PCDHGA5: variants seen among roughly 807,000 people sequenced by gnomAD.
The protein encoded by PCDHGA5 is protocadherin gamma subfamily A, 5.
In PCDHGA5, 36 loss-of-function variants were observed where a neutral mutation model predicts 56.7. That is an observed-to-expected ratio of 0.64 (90% CI 0.49 to 0.84). The LOEUF is 0.84. PCDHGA5 is among the 40% of genes least tolerant of loss of function. The pLI, the probability that PCDHGA5 is intolerant of heterozygous loss-of-function variation, is 0.00. For synonymous variants in PCDHGA5, 563 were observed against 520.2 expected (o/e 1.08, Z -1.12); for missense variants, 1,305 against 1,201.5 (o/e 1.09, Z -1.27).
intron 1 of PCDHGA5, chr5:141,390,092 G>A (rs1469999630): frequency 1.9e-6 from 3 of 1,613,918 alleles, no homozygotes; most frequent in African/African-American, 2.7e-5. Context: ...CCGAATCCGT[G>A]GTTCCCCCCA....
chr5:141,414,537 T>C (rs2095757230), intron 1 of PCDHGA5: 1 of 1,613,978 alleles, frequency 6.2e-7, no homozygotes, highest in Non-Finnish European at 8.5e-7. Flanking sequence ...ACAACCCACC[T>C]ACCTTCTCTC....
intron 1 of PCDHGA5, chr5:141,423,068 A>T: frequency 6.2e-7 from 1 of 1,614,090 alleles, no homozygotes; most frequent in Non-Finnish European, 8.5e-7. Context: ...AAGGCCAGCG[A>T]GCCGGGACTC....
intron 1 of PCDHGA5, among the ~76,000 whole-genome samples, chr5:141,443,756 A>G (rs1234457212): frequency 6.6e-6 from 1 of 152,232 alleles, no homozygotes; most frequent in Non-Finnish European, 1.5e-5. Flanking sequence ...TTGGAAGCTT[A>G]CAATATACAA....
At chr5:141,500,340 C>A (rs188966393) in intron 2 of PCDHGA5, among the ~76,000 whole-genome samples, 92 of 152,066 alleles carry the variant, frequency 6.0e-4, no homozygotes, top group African/African-American at 2.1e-3. Flanking sequence ...TCCAGAATAG[C>A]TGGGACTACA....
intron 1 of PCDHGA5, among the ~76,000 whole-genome samples, chr5:141,445,620 C>T (rs561235315): frequency 2.0e-5 from 3 of 151,966 alleles, no homozygotes; most frequent in African/African-American, 4.8e-5. Context: ...TTCTTTTTTT[C>T]GGAAAGTGAT....
intron 1 of PCDHGA5, chr5:141,393,785 G>A (rs753963995): frequency 6.2e-7 from 1 of 1,613,922 alleles, no homozygotes; most frequent in Non-Finnish European, 8.5e-7. Context: ...CCGAAGATGT[G>A]GGGGCACTTC....
chr5:141,419,115 A>G (rs1159582360), intron 1 of PCDHGA5: 1 of 1,613,872 alleles, frequency 6.2e-7, no homozygotes, highest in Non-Finnish European at 8.5e-7. Flanking sequence ...CCAGAGTACA[A>G]CGTCACCATC....
Position 141,444,152 on chromosome 5 carries a change from ATTTTTTTTTTTTTTTTT to A in PCDHGA5, c.2422-50635_2422-50619del, listed in dbSNP as rs747671382. Among the ~76,000 whole-genome samples, 167 of 33,906 alleles carry A rather than the reference ATTTTTTTTTTTTTTTTT, an allele frequency of 4.9e-3. 1 individual carries two copies. The highest frequency in any genetic ancestry group is 7.0e-3 in the Non-Finnish European group (136 of 19,318). The allele number at this position is 33,906 out of a possible 152,430, so 22.2% of individuals were successfully genotyped here. A position where few individuals can be genotyped will look rare whatever the true frequency, so the allele number is the denominator to read the frequency against. On this transcript the variant is annotated intron_variant, in intron 1 of 3. Coordinates refer to ENST00000518069, the MANE Select transcript of PCDHGA5 (RefSeq NM_018918.3). ...GATATGTGTCACTTGTGTGTACTGG[ATTTTTTTTTTTTTTTTT>A]TTTTTTTTTTTTTTTTTTTGAGATG...
rs528371675 is a variant in PCDHGA5 at position 141,389,403 on chromosome 5, G to T, written c.2421+22652G>T. 18 of 1,613,628 alleles carry T rather than the reference G, an allele frequency of 1.1e-5. No individual in the cohort carries two copies. The African/African-American group carries it at 2.4e-4, about 21-fold the overall frequency. On this transcript the variant is annotated intron_variant, in intron 1 of 3. Transcript: ENST00000518069. The stretch of plus-strand genomic sequence containing the variant: ...GCTGTCATCCTACGTGTCCATAAGC[G>T]CGGAGAGCGGGGTGGTGTTCGCGCA...
At chr5:141,412,591 A>G (rs2095564760) in intron 1 of PCDHGA5, 1 of 152,214 alleles carries the variant, frequency 6.6e-6, no homozygotes, top group Non-Finnish European at 1.5e-5. Flanking sequence ...ATGAATGTAT[A>G]CTAAATAAAA....
intron 1 of PCDHGA5, among the ~76,000 whole-genome samples, chr5:141,456,033 G>A (rs1398584179): frequency 6.6e-6 from 1 of 151,884 alleles, no homozygotes; most frequent in Non-Finnish European, 1.5e-5. Flanking sequence ...GAGTAGCTGG[G>A]ACTACAGGCG....
At chr5:141,420,417 A>C (rs112493756) in intron 1 of PCDHGA5, 20 of 1,211,742 alleles carry the variant, frequency 1.7e-5, no homozygotes, top group Admixed American at 1.1e-4. Flanking sequence ...ATCATTATTA[A>C]AACAAAAGTT....
rs755930967 is a variant in PCDHGA5, at chr5:141,388,629, G to C, written c.2421+21878G>C. On this transcript the variant is annotated intron_variant, in intron 1 of 3. Transcript: ENST00000518069. ...AGTGTTCAGTCAAGACGTATACAGG[G>C]TGAGCCTTTCAGAAAACGTGTACCC... 13 of 1,613,824 alleles carry C rather than the reference G, an allele frequency of 8.1e-6. No individual in the cohort carries two copies. Among genetic ancestry groups the C allele is most frequent in the African/African-American group, 1.3e-5 (1 of 74,914 alleles).
At chr5:141,379,275 A>C (rs1248743398) in intron 1 of PCDHGA5, 3 of 152,194 alleles carry the variant, frequency 2.0e-5, no homozygotes, top group African/African-American at 7.2e-5. Flanking sequence ...TTATAGATTT[A>C]TTTATTTCAA....
At chr5:141,391,886 A>C (rs2092436812) in intron 1 of PCDHGA5, 1 of 152,206 alleles carries the variant, frequency 6.6e-6, no homozygotes, top group Non-Finnish European at 1.5e-5. Flanking sequence ...GGTGAAAGGG[A>C]TGGGATGGAG....
intron 1 of PCDHGA5, chr5:141,419,788 A>G (rs750179874): frequency 6.2e-7 from 1 of 1,614,054 alleles, no homozygotes; most frequent in Non-Finnish European, 8.5e-7. Context: ...AGCGCCTGCT[A>G]GTCGCTGTAA....
intron 1 of PCDHGA5, chr5:141,385,153 A>T: frequency 6.2e-7 from 1 of 1,614,128 alleles, no homozygotes; most frequent in South Asian, 1.1e-5. Flanking sequence ...TTTCCTGCAG[A>T]CCTATTCCCA....
chr5:141,511,138 A>C lies in PCDHGA5; in HGVS notation c.2761A>C (p.Asn921His). 6.2e-7 allele frequency: 1 copy of C among 1,614,210 alleles called. No homozygotes were observed. ...DGKAPAGGNGNKKKSGKKEKK is the reference protein window; with the variant it reads ...DGKAPAGGNGHKKKSGKKEKK ...CAAGGCCCCAGCAGGTGGCAATGGCAACAAGAAGAAGTCGGGCAAGAAGGA... is the reference window on the plus strand; with the variant it reads ...CAAGGCCCCAGCAGGTGGCAATGGCCACAAGAAGAAGTCGGGCAAGAAGGA... Residue 921 changes from asparagine to histidine, a missense_variant, in exon 4 of 4, where the codon AAC becomes CAC. Transcript: ENST00000518069.
intron 1 of PCDHGA5, among the ~76,000 whole-genome samples, chr5:141,425,997 A>T (rs1365887915): frequency 6.6e-6 from 1 of 152,174 alleles, no homozygotes; most frequent in African/African-American, 2.4e-5. Context: ...GAATTAGCAA[A>T]GGCTTCCGGC....
Sources: allele counts gnomAD v4.1 joint callset (sites outside exome capture counted in the v4.1 genomes callset), GRCh38; gene constraint gnomAD v4.1.1; transcripts MANE v1.5; gene names NCBI Gene and HGNC (gene_info 2026-07-23, HGNC 2026-07-21).